The following NBAS variants were observed in gnomAD, a reference collection of about 807,000 sequenced individuals.
NBAS encodes the protein NBAS subunit of NRZ tethering complex, also known as NAG/BC035112 fusion.
NBAS carries 219 observed loss-of-function variants against 302.5 expected under a neutral mutation model. The observed-to-expected ratio is 0.72, with a 90% CI of 0.65 to 0.81. The LOEUF (loss-of-function observed/expected upper bound fraction) is 0.81, where lower values mean the gene tolerates loss of function less well. Among genes scored for constraint, NBAS ranks in the 30% least tolerant of loss-of-function variants. The pLI is 0.00. For missense variants in NBAS, 2,932 were observed against 2,841.6 expected, an observed-to-expected ratio of 1.03 and a Z score of -0.72; for synonymous variants, 1,118 against 1,021.6, an observed-to-expected ratio of 1.09 and a Z score of -1.80.
chr2:15,445,748 G>T (rs75421382), intron 21 of NBAS, among the ~76,000 whole-genome samples: 3 of 151,182 alleles, frequency 2.0e-5, no homozygotes, highest in Admixed American at 6.6e-5. Context: ...TCCAATAAAA[G>T]TTACCAGGTA....
At chr2:14,925,738 T>C in the NBAS span, among the ~76,000 whole-genome samples, 2 of 152,232 alleles carry the variant, frequency 1.3e-5, no homozygotes, top group Non-Finnish European at 2.9e-5. Context: ...GATTATCACA[T>C]GGCTAGATGT....
intron 48 of NBAS, among the ~76,000 whole-genome samples, chr2:15,200,458 T>C (rs934974910): frequency 1.3e-5 from 2 of 152,278 alleles, no homozygotes; most frequent in East Asian, 3.9e-4. Context: ...TTTTGCCCAG[T>C]GAACAAGAAA....
chr2:14,866,938 C>T, the NBAS span, among the ~76,000 whole-genome samples: 1 of 152,168 alleles, frequency 6.6e-6, no homozygotes, highest in South Asian at 2.1e-4. Context: ...TAACAACTCA[C>T]AGATCTAACT....
At chr2:15,396,556 GA>G (rs534514970) in intron 26 of NBAS, 81 bp from the exon 27 acceptor site, 3 of 924,270 alleles carry the variant, frequency 3.2e-6, no homozygotes, top group African/African-American at 1.7e-5. Flanking sequence ...TTAATGAAGT[GA>G]AAAAAAGATG....
At chr2:15,193,794 A>G in intron 48 of NBAS, among the ~76,000 whole-genome samples, 1 of 152,148 alleles carries the variant, frequency 6.6e-6, no homozygotes, top group East Asian at 1.9e-4. Context: ...GAAAAATAAA[A>G]GGTAAACTTA....
intron 44 of NBAS, among the ~76,000 whole-genome samples, chr2:15,244,872 C>G (rs970577155): frequency 1.3e-5 from 2 of 152,134 alleles, no homozygotes; most frequent in African/African-American, 2.4e-5. Flanking sequence ...TCTCAACCCC[C>G]TTGTAGTTAG....
chr2:15,092,119 G>A, the NBAS span, among the ~76,000 whole-genome samples: 1 of 152,148 alleles, frequency 6.6e-6, no homozygotes, highest in Non-Finnish European at 1.5e-5. Flanking sequence ...GGATGAACTG[G>A]AGATGAGAAA....
chr2:15,300,157 A>C (rs1466949077), intron 40 of NBAS, among the ~76,000 whole-genome samples: 1 of 152,200 alleles, frequency 6.6e-6, no homozygotes, highest in Non-Finnish European at 1.5e-5. Flanking sequence ...ATAAGCCCAC[A>C]AATTCTATCA....
the NBAS span, among the ~76,000 whole-genome samples, chr2:14,896,288 G>A: frequency 1.3e-5 from 2 of 152,100 alleles, no homozygotes; most frequent in African/African-American, 4.8e-5. Context: ...AATACGCTAT[G>A]TAATGTATTA....
the NBAS span, among the ~76,000 whole-genome samples, chr2:15,099,493 T>C: frequency 6.6e-6 from 1 of 152,056 alleles, no homozygotes; most frequent in African/African-American, 2.4e-5. Context: ...GTTATTTAAT[T>C]TCAGGGATTT....
At chr2:15,377,377 T>G (rs1413600684) in intron 30 of NBAS, among the ~76,000 whole-genome samples, 1 of 152,216 alleles carries the variant, frequency 6.6e-6, no homozygotes, top group African/African-American at 2.4e-5. Context: ...TGGTGCCACA[T>G]GATAACAAAG....
At chr2:15,063,887 G>A in the NBAS span, among the ~76,000 whole-genome samples, 2 of 152,300 alleles carry the variant, frequency 1.3e-5, no homozygotes, top group East Asian at 3.9e-4. Flanking sequence ...CACTCAGTCT[G>A]TGATGTTTTG....
At position 15,308,297 on chromosome 2, in the gene NBAS, C is replaced by A; in HGVS notation, c.4716G>T (p.Gln1572His). The stretch of plus-strand genomic sequence containing the variant: ...GGAGGCTATAGTAATACGCTGCCAG[C>A]TGGAGAGATAATGCAGAGGGGGACT... Reference protein sequence around the residue: ...EKQSPSALSLQLAAYYYSLQI... With the variant: ...EKQSPSALSLHLAAYYYSLQI... Residue 1572 changes from glutamine (Q) to histidine (H), a missense_variant, in exon 40 of 52, where the codon CAG becomes CAT. Gln to His is a conservative substitution (Grantham distance 24, BLOSUM62 0). Transcript: ENST00000281513. 1.2e-6 allele frequency: 2 copies of A among 1,614,148 alleles called. No homozygotes were observed. The highest frequency in any genetic ancestry group is 2.2e-5 in the South Asian group (2 of 91,078).
intron 32 of NBAS, among the ~76,000 whole-genome samples, chr2:15,363,954 A>G (rs991147165): frequency 1.3e-5 from 2 of 152,202 alleles, no homozygotes; most frequent in Admixed American, 1.3e-4. Flanking sequence ...AGATCGCTCT[A>G]GGAGAAACCA....
At chr2:14,895,123 C>A in the NBAS span, among the ~76,000 whole-genome samples, 8 of 151,114 alleles carry the variant, frequency 5.3e-5, no homozygotes, top group Non-Finnish European at 8.8e-5. Context: ...CAGAAGCTCA[C>A]AAAACTGAAA....
chr2:15,455,838 G>T (rs1365916185), intron 21 of NBAS, among the ~76,000 whole-genome samples: 2 of 151,100 alleles, frequency 1.3e-5, no homozygotes, highest in Admixed American at 1.3e-4. Flanking sequence ...TAACCAAATT[G>T]TATTCATCAC....
the NBAS span, among the ~76,000 whole-genome samples, chr2:15,075,082 A>G: frequency 5.9e-5 from 9 of 152,234 alleles, no homozygotes; most frequent in Non-Finnish European, 1.2e-4. Context: ...GGTGAACTGG[A>G]CAACCACACA....
the NBAS span, among the ~76,000 whole-genome samples, chr2:14,874,463 TA>T: frequency 0.12 from 15,296 of 129,604 alleles, 1,725 homozygotes; most frequent in African/African-American, 0.31. Flanking sequence ...CGTCTCTACT[TA>T]AAAAAAAAAA....
intron 35 of NBAS, among the ~76,000 whole-genome samples, chr2:15,346,591 T>C (rs1344111116): frequency 3.3e-5 from 5 of 152,224 alleles, no homozygotes; most frequent in Admixed American, 2.6e-4. Flanking sequence ...GAAGACAGTA[T>C]GGCAATTTCT....
Sources: allele counts gnomAD v4.1 joint callset (sites outside exome capture counted in the v4.1 genomes callset), GRCh38; gene constraint gnomAD v4.1.1; transcripts MANE v1.5; gene names NCBI Gene and HGNC (gene_info 2026-07-23, HGNC 2026-07-21).